Variants in DYSF observed in about 807,000 individuals in gnomAD.
The protein encoded by DYSF is dystrophy-associated fer-1-like 1.
DYSF carries 212 observed loss-of-function variants against 274.9 expected under a neutral mutation model. The observed-to-expected ratio is 0.77, with a 90% CI of 0.69 to 0.86. The LOEUF (loss-of-function observed/expected upper bound fraction) is 0.86. DYSF is among the 40% of genes least tolerant of loss of function. The probability of loss-of-function intolerance (pLI) is 0.00; values close to 1 mark genes in which losing one functional copy is unlikely to be tolerated. For synonymous variants in DYSF, 1,091 were observed against 1,078.7 expected, an observed-to-expected ratio of 1.01 and a Z score of -0.22; for missense variants, 2,666 against 2,783.2, an observed-to-expected ratio of 0.96 and a Z score of 0.95.
chr2:71,548,985 C>G (rs1227107924), intron 17 of DYSF, among the ~76,000 whole-genome samples: 1 of 152,210 alleles, frequency 6.6e-6, no homozygotes, highest in Non-Finnish European at 1.5e-5. Context: ...GTTCCCCTCA[C>G]TTATCTGGCT....
intron 14 of DYSF, among the ~76,000 whole-genome samples, chr2:71,530,947 C>A (rs2088628974): frequency 6.6e-6 from 1 of 152,018 alleles, no homozygotes. Flanking sequence ...AAGATGTGAA[C>A]CATACTTGAT....
intron 42 of DYSF, among the ~76,000 whole-genome samples, chr2:71,654,441 T>C (rs2094727940): frequency 6.6e-6 from 1 of 152,174 alleles, no homozygotes; most frequent in South Asian, 2.1e-4. Context: ...CACAAAACAC[T>C]TGGATAGGAG....
At chr2:71,678,976 C>G in intron 52 of DYSF, 81 bp from the exon 53 acceptor site, 1 of 1,391,638 alleles carries the variant, frequency 7.2e-7, no homozygotes, top group East Asian at 2.3e-5. Context: ...TGAGTTTTTC[C>G]TGAACCTGCC....
intron 22 of DYSF, among the ~76,000 whole-genome samples, chr2:71,559,524 C>A (rs766240793): frequency 6.6e-6 from 1 of 152,178 alleles, no homozygotes; most frequent in Non-Finnish European, 1.5e-5. Flanking sequence ...GGTGGACAGG[C>A]CTTTCTGTCC....
At chr2:71,502,451 A>G (rs2085075113) in intron 3 of DYSF, among the ~76,000 whole-genome samples, 1 of 152,146 alleles carries the variant, frequency 6.6e-6, no homozygotes, top group South Asian at 2.1e-4. Flanking sequence ...AGGTTCCTAC[A>G]GTCACAGGCC....
At chr2:71,568,919 C>G (rs1032587843) in intron 26 of DYSF, among the ~76,000 whole-genome samples, 1 of 151,014 alleles carries the variant, frequency 6.6e-6, no homozygotes, top group African/African-American at 2.4e-5. Context: ...GTCGCCCAGG[C>G]TGGAGTGCAG....
intron 33 of DYSF, among the ~76,000 whole-genome samples, chr2:71,599,042 CT>C (rs1207322598): frequency 6.6e-6 from 1 of 152,228 alleles, no homozygotes; most frequent in Non-Finnish European, 1.5e-5. Flanking sequence ...AGGCCAGTCC[CT>C]TCTTCTCATC....
At chr2:71,504,113 C>A (rs1279502011) in intron 4 of DYSF, among the ~76,000 whole-genome samples, 1 of 152,162 alleles carries the variant, frequency 6.6e-6, no homozygotes, top group African/African-American at 2.4e-5. Context: ...CAGGAAGTAG[C>A]CGGTCTGGGC....
intron 1 of DYSF, among the ~76,000 whole-genome samples, chr2:71,477,451 G>T (rs1373569626): frequency 1.3e-5 from 2 of 151,908 alleles, no homozygotes; most frequent in Non-Finnish European, 2.9e-5. Context: ...CTAGATGACC[G>T]CCTACTACAC....
chr2:71,462,575 T>G (rs1558917582), upstream of DYSF, among the ~76,000 whole-genome samples: 1 of 152,216 alleles, frequency 6.6e-6, no homozygotes, highest in East Asian at 1.9e-4. Flanking sequence ...TGGGTCCTTG[T>G]CCTATGTCCA....
chr2:71,536,476 A>G (rs1330951517), intron 16 of DYSF, among the ~76,000 whole-genome samples: 3 of 152,258 alleles, frequency 2.0e-5, no homozygotes, highest in Admixed American at 6.5e-5. Context: ...TGTGCTTTAC[A>G]TCCCAGAATG....
chr2:71,587,532 G>A (rs910503670), intron 30 of DYSF, among the ~76,000 whole-genome samples: 2 of 152,200 alleles, frequency 1.3e-5, no homozygotes, highest in African/African-American at 4.8e-5. Context: ...CCCTCGTAAG[G>A]TCATTGATAG....
intron 45 of DYSF, among the ~76,000 whole-genome samples, chr2:71,662,317 C>T (rs566838268): frequency 6.6e-5 from 10 of 152,326 alleles, no homozygotes; most frequent in East Asian, 1.9e-4. Flanking sequence ...CTTTAACTCA[C>T]GAACCCAGTC....
chr2:71,631,207 C>T (rs2094307538), intron 41 of DYSF, among the ~76,000 whole-genome samples: 1 of 152,202 alleles, frequency 6.6e-6, no homozygotes, highest in East Asian at 1.9e-4. Context: ...GGCAGTTTGT[C>T]TCTGAACTTC....
chr2:71,468,965 G>C (rs1342694780), intron 1 of DYSF, among the ~76,000 whole-genome samples: 2 of 152,224 alleles, frequency 1.3e-5, no homozygotes, highest in Non-Finnish European at 2.9e-5. Flanking sequence ...GCTTCATTTA[G>C]TCTGGGACAT....
intron 1 of DYSF, among the ~76,000 whole-genome samples, chr2:71,456,066 C>T (rs747930731): frequency 3.0e-4 from 45 of 152,072 alleles, no homozygotes; most frequent in Non-Finnish European, 5.3e-4. Context: ...GGAGCAGCTC[C>T]CCCCATCCTG....
At chr2:71,643,843 C>T (rs893102133) in intron 41 of DYSF, 122 bp from the exon 42 acceptor site, 5 of 762,136 alleles carry the variant, frequency 6.6e-6, no homozygotes, top group Admixed American at 6.0e-5. Context: ...TCCCCCACAT[C>T]ACCCTTAGGA....
At chr2:71,534,881 G>A in intron 14 of DYSF, 140 bp from the exon 15 acceptor site, 1 of 807,640 alleles carries the variant, frequency 1.2e-6, no homozygotes. Flanking sequence ...CCCTGCACTA[G>A]GCCCCAACCC....
intron 40 of DYSF, among the ~76,000 whole-genome samples, chr2:71,614,928 G>T (rs1424675193): frequency 6.6e-6 from 1 of 152,086 alleles, no homozygotes; most frequent in Non-Finnish European, 1.5e-5. Flanking sequence ...GGGCTGCTTG[G>T]GTGTTTATAG....
Sources: gnomAD v4.1 joint callset for allele counts (sites outside exome capture counted in the v4.1 genomes callset) on GRCh38, gnomAD v4.1.1 for gene constraint, MANE v1.5 for transcripts, NCBI Gene and HGNC (gene_info 2026-07-23, HGNC 2026-07-21) for gene names.